MAGI2: variants seen among roughly 807,000 people sequenced by gnomAD.
MAGI2 encodes the protein membrane associated guanylate kinase, WW and PDZ domain containing 2.
MAGI2 carries 35 observed loss-of-function variants against 133.3 expected under a neutral mutation model. The observed-to-expected ratio is 0.26, with a 90% CI of 0.20 to 0.35. The LOEUF is 0.35. MAGI2 is among the 10% of genes least tolerant of loss of function. MAGI2 has a pLI of 1.00. For missense variants in MAGI2, 1,636 were observed against 1,863.4 expected, an observed-to-expected ratio of 0.88 and a Z score of 2.25; for synonymous variants, 729 against 710.6, an observed-to-expected ratio of 1.03 and a Z score of -0.41.
intron 1 of MAGI2, among the ~76,000 whole-genome samples, chr7:79,037,122 A>G (rs893745824): frequency 1.3e-5 from 2 of 152,182 alleles, no homozygotes; most frequent in African/African-American, 4.8e-5. Context: ...TAAGCGAAGC[A>G]GTTTCCTCAC....
chr7:79,442,459 T>TGTGTGC (rs1240550426), intron 1 of MAGI2, among the ~76,000 whole-genome samples: 4 of 150,682 alleles, frequency 2.7e-5, no homozygotes, highest in African/African-American at 9.9e-5. Context: ...AGAGTGTGTG[T>TGTGTGC]GTGTGTGTGT....
At chr7:78,713,540 T>A (rs375206322) in intron 2 of MAGI2, among the ~76,000 whole-genome samples, 3 of 152,192 alleles carry the variant, frequency 2.0e-5, no homozygotes, top group African/African-American at 7.2e-5. Context: ...TCTTACAGAA[T>A]CTCTATACAT....
intron 2 of MAGI2, among the ~76,000 whole-genome samples, chr7:78,649,237 A>AAAG (rs1554512660): frequency 7.6e-5 from 5 of 65,486 alleles, no homozygotes; most frequent in African/African-American, 2.4e-4. Context: ...AAAAAAAAAG[A>AAAG]AAAAAAAAGA....
At chr7:78,133,184 A>G in intron 17 of MAGI2, 124 bp from the exon 18 acceptor site, 1 of 702,644 alleles carries the variant, frequency 1.4e-6, no homozygotes, top group Non-Finnish European at 2.3e-6. Context: ...CGTTTCTGCT[A>G]GGTTTTTAGA....
chr7:78,429,677 G>C (rs79675224), intron 6 of MAGI2, among the ~76,000 whole-genome samples: 2 of 151,730 alleles, frequency 1.3e-5, no homozygotes, highest in African/African-American at 4.8e-5. Flanking sequence ...AAAAAAGAAG[G>C]CTTTTTCTTT....
chr7:79,109,624 C>T lies in MAGI2; in HGVS notation c.302-102418G>A, dbSNP rs1025193172. ...GCAAAATATTTGTAAAATTTGCAGC[C>T]TGGCCATGTGACAGAGAAAGAAAAA... On this transcript the variant is annotated intron_variant, in intron 1 of 21. Transcript: ENST00000354212. 2.6e-4 allele frequency among the ~76,000 whole-genome samples: 39 copies of T among 152,116 alleles called. 1 individual carries two copies. Among genetic ancestry groups the T allele is most frequent in the Admixed American group, 2.0e-3 (31 of 15,280 alleles).
intron 10 of MAGI2, among the ~76,000 whole-genome samples, chr7:78,203,401 A>C (rs1024572324): frequency 6.6e-6 from 1 of 152,196 alleles, no homozygotes; most frequent in Non-Finnish European, 1.5e-5. Context: ...TGTCAGAACT[A>C]AAATGGTGTA....
chr7:78,456,862 T>G (rs1789375584), intron 6 of MAGI2: 1 of 152,174 alleles, frequency 6.6e-6, no homozygotes, highest in Admixed American at 6.5e-5. Flanking sequence ...ATGGGTCATT[T>G]TGCTTTTTGA....
intron 10 of MAGI2, among the ~76,000 whole-genome samples, chr7:78,233,662 A>G (rs1346500702): frequency 2.0e-5 from 3 of 152,144 alleles, no homozygotes; most frequent in Admixed American, 2.0e-4. Context: ...TTCTTAAAGA[A>G]TGGGATAAAT....
chr7:78,648,117 C>T (rs1178652081), intron 2 of MAGI2, among the ~76,000 whole-genome samples: 2 of 152,112 alleles, frequency 1.3e-5, no homozygotes, highest in Non-Finnish European at 2.9e-5. Flanking sequence ...GCAAGTTGTG[C>T]ACATGTACCC....
chr7:78,808,076 T>C (rs1007164433), intron 2 of MAGI2, among the ~76,000 whole-genome samples: 1 of 152,090 alleles, frequency 6.6e-6, no homozygotes, highest in South Asian at 2.1e-4. Context: ...TAAAAAGTTA[T>C]GAAAAACACC....
At chr7:79,286,298 C>T (rs117159467) in intron 1 of MAGI2, among the ~76,000 whole-genome samples, 10,484 of 152,102 alleles carry the variant, frequency 0.069, 476 homozygotes, top group Non-Finnish European at 0.1. Flanking sequence ...ATCTGATCCT[C>T]ACAACCAAAC....
intron 9 of MAGI2, among the ~76,000 whole-genome samples, chr7:78,343,478 C>T (rs1384922063): frequency 6.6e-6 from 1 of 152,078 alleles, no homozygotes; most frequent in Non-Finnish European, 1.5e-5. Context: ...AAATGTTAAT[C>T]ACACCCCTAA....
At chr7:79,390,672 G>T (rs1262483638) in intron 1 of MAGI2, among the ~76,000 whole-genome samples, 1 of 152,150 alleles carries the variant, frequency 6.6e-6, no homozygotes, top group South Asian at 2.1e-4. Flanking sequence ...TATCTGTAAA[G>T]ATTTTGATCC....
chr7:79,137,127 T>C (rs1416630661), intron 1 of MAGI2, among the ~76,000 whole-genome samples: 2 of 152,080 alleles, frequency 1.3e-5, no homozygotes, highest in Non-Finnish European at 2.9e-5. Context: ...GTGGCTGTTT[T>C]CTCTGGCTTA....
intron 1 of MAGI2, among the ~76,000 whole-genome samples, chr7:79,112,370 G>A (rs1463959056): frequency 6.6e-6 from 1 of 152,146 alleles, no homozygotes; most frequent in African/African-American, 2.4e-5. Flanking sequence ...GCCCTCAGGA[G>A]TTACACAGAC....
chr7:78,488,180 GA>G (rs1416606715), intron 6 of MAGI2, among the ~76,000 whole-genome samples: 3 of 151,992 alleles, frequency 2.0e-5, no homozygotes, highest in African/African-American at 7.2e-5. Flanking sequence ...CTGAATTCTA[GA>G]ACTTGTTTCT....
At chr7:78,665,317 G>C (rs1813432674) in intron 2 of MAGI2, among the ~76,000 whole-genome samples, 1 of 152,074 alleles carries the variant, frequency 6.6e-6, no homozygotes, top group South Asian at 2.1e-4. Flanking sequence ...GTTACAAATA[G>C]CTAACATATA....
chr7:78,927,565 A>T (rs377504722), intron 2 of MAGI2, among the ~76,000 whole-genome samples: 1 of 151,950 alleles, frequency 6.6e-6, no homozygotes, highest in South Asian at 2.1e-4. Flanking sequence ...GGTGACAGAA[A>T]CACAGGTAGA....
Sources: allele counts gnomAD v4.1 joint callset (sites outside exome capture counted in the v4.1 genomes callset), GRCh38; gene constraint gnomAD v4.1.1; transcripts MANE v1.5; gene names NCBI Gene and HGNC (gene_info 2026-07-23, HGNC 2026-07-21).